CSGALNACT1: variants seen among roughly 807,000 people sequenced by gnomAD.
CSGALNACT1 encodes the protein chondroitin sulfate N-acetylgalactosaminyltransferase 1.
Under a neutral mutation model 51.0 loss-of-function variants are expected in CSGALNACT1, and 52 were observed. The observed-to-expected ratio is 1.02, with a 90% CI of 0.82 to 1.29. The LOEUF is 1.29. Ranked by LOEUF, CSGALNACT1 falls within the 50% of genes most tolerant of loss-of-function variation. CSGALNACT1 has a pLI of 0.00. For missense variants in CSGALNACT1, 935 were observed against 679.2 expected (o/e 1.38, Z -4.19); for synonymous variants, 341 against 254.4 (o/e 1.34, Z -3.24).
intron 3 of CSGALNACT1, among the ~76,000 whole-genome samples, chr8:19,583,711 A>G (rs2046052467): frequency 6.6e-6 from 1 of 152,176 alleles, no homozygotes; most frequent in Non-Finnish European, 1.5e-5. Flanking sequence ...TTCAAACACT[A>G]AGTTTCAGCT....
intron 3 of CSGALNACT1, among the ~76,000 whole-genome samples, chr8:19,529,265 C>T (rs1356332806): frequency 6.6e-6 from 1 of 151,986 alleles, no homozygotes; most frequent in Admixed American, 6.6e-5. Context: ...GAAATTTTTC[C>T]AGAAGTTTAA....
chr8:19,488,717 G>A (rs980434090), intron 4 of CSGALNACT1, among the ~76,000 whole-genome samples: 3 of 152,062 alleles, frequency 2.0e-5, no homozygotes, highest in African/African-American at 7.2e-5. Context: ...ATAATGACAT[G>A]TGTAAAGACC....
intron 4 of CSGALNACT1, among the ~76,000 whole-genome samples, chr8:19,497,193 G>A (rs1440923901): frequency 6.6e-6 from 1 of 152,150 alleles, no homozygotes; most frequent in African/African-American, 2.4e-5. Flanking sequence ...CTCCTGCCCT[G>A]CACAGACAGT....
intron 2 of CSGALNACT1, among the ~76,000 whole-genome samples, chr8:19,599,164 A>T (rs1387361118): frequency 6.6e-6 from 1 of 151,584 alleles, no homozygotes; most frequent in Admixed American, 6.6e-5. Flanking sequence ...GTGTCAGGGG[A>T]GGGGGAGCAC....
intron 3 of CSGALNACT1, among the ~76,000 whole-genome samples, chr8:19,506,432 A>T (rs529360219): frequency 2.6e-5 from 4 of 152,228 alleles, no homozygotes; most frequent in Admixed American, 2.6e-4. Context: ...TGTATCTGGT[A>T]ATTTCTGCAT....
chr8:19,503,721 G>A (rs550039907), intron 4 of CSGALNACT1, among the ~76,000 whole-genome samples: 1 of 151,506 alleles, frequency 6.6e-6, no homozygotes, highest in African/African-American at 2.4e-5. Context: ...TGCTTACCAT[G>A]TGCTTATACA....
chr8:19,597,916 G>A (rs1385501440), intron 2 of CSGALNACT1, among the ~76,000 whole-genome samples: 1 of 152,218 alleles, frequency 6.6e-6, no homozygotes, highest in Non-Finnish European at 1.5e-5. Context: ...AAATAATTAT[G>A]AACAATAGGG....
chr8:19,422,125 A>C (rs1041444391), intron 6 of CSGALNACT1, among the ~76,000 whole-genome samples: 6 of 152,160 alleles, frequency 3.9e-5, no homozygotes, highest in African/African-American at 1.2e-4. Context: ...TTACACACTA[A>C]GACGCTATTT....
At chr8:19,525,615 C>CAAAAAAAAAAAAAAAAAAAAAAAAAA (rs34787475) in intron 3 of CSGALNACT1, among the ~76,000 whole-genome samples, 1 of 20,362 alleles carries the variant, frequency 4.9e-5, no homozygotes, top group Non-Finnish European at 8.9e-5. Context: ...AAACTTGTCC[C>CAAAAAAAAAAAAAAAAAAAAAAAAAA]AAAAAAAAAA....
chr8:19,468,807 T>C lies in CSGALNACT1; in HGVS notation c.635-10165A>G, dbSNP rs531320611. Among the ~76,000 whole-genome samples, 8 of 152,252 alleles carry C rather than the reference T, an allele frequency of 5.3e-5. No homozygotes were observed. The South Asian group carries it at 6.2e-4, about 12-fold the overall frequency. ...GGAAGCTTGGCGGGCAAGCCTTTTG[T>C]AGACATACAGATTTAGACATCCCCA... On this transcript the variant is annotated intron_variant, in intron 4 of 9. Coordinates refer to ENST00000454498, the Ensembl canonical transcript of CSGALNACT1.
At chr8:19,701,047 C>G (rs1002404684) in intron 1 of CSGALNACT1, among the ~76,000 whole-genome samples, 19 of 151,844 alleles carry the variant, frequency 1.3e-4, no homozygotes, top group Admixed American at 1.1e-3. Flanking sequence ...GACCTTCCAC[C>G]CTTCCCTCTT....
intron 1 of CSGALNACT1, among the ~76,000 whole-genome samples, chr8:19,688,365 G>A (rs1002483097): frequency 3.3e-5 from 5 of 152,118 alleles, no homozygotes; most frequent in African/African-American, 1.2e-4. Flanking sequence ...AATCTCTTTG[G>A]TCTAATATAA....
At chr8:19,640,105 G>A (rs2056566803) in intron 1 of CSGALNACT1, among the ~76,000 whole-genome samples, 1 of 151,754 alleles carries the variant, frequency 6.6e-6, no homozygotes, top group Non-Finnish European at 1.5e-5. Flanking sequence ...CAATGCACCT[G>A]GGGGGAAATA....
At chr8:19,723,931 A>G (rs1703823626) in intron 1 of CSGALNACT1, among the ~76,000 whole-genome samples, 1 of 152,188 alleles carries the variant, frequency 6.6e-6, no homozygotes, top group African/African-American at 2.4e-5. Context: ...ACTTTTTTCA[A>G]TCAATAGAAG....
At chr8:19,729,655 T>C (rs948340034) in intron 1 of CSGALNACT1, among the ~76,000 whole-genome samples, 5 of 152,186 alleles carry the variant, frequency 3.3e-5, no homozygotes, top group Non-Finnish European at 5.9e-5. Context: ...TCTAACATTG[T>C]TTTTCTCCTG....
At chr8:19,658,130 G>T (rs1226907334) in intron 1 of CSGALNACT1, among the ~76,000 whole-genome samples, 1 of 150,822 alleles carries the variant, frequency 6.6e-6, no homozygotes, top group African/African-American at 2.4e-5. Context: ...TTTGGAGATG[G>T]GGCCTTTGGA....
In CSGALNACT1 at chr8:19,656,461, G is replaced by A. The variant is rs183525876; in HGVS notation, c.-544+26012C>T. ...AGTAGCAAACAAACTTTCTATAGAG[G>A]AACCCACCTTCGATCTTGACCTCAA... is the stretch of plus-strand genomic sequence containing the variant. On this transcript the variant is annotated intron_variant, in intron 1 of 9. Transcript: ENST00000332246. 2.2e-4 allele frequency among the ~76,000 whole-genome samples: 33 copies of A among 151,946 alleles called. No individual in the cohort carries two copies. In the East Asian group the frequency reaches 4.6e-3, roughly 21 times the overall value.
chr8:19,558,839 T>A (rs2040060244), intron 3 of CSGALNACT1, among the ~76,000 whole-genome samples: 1 of 152,184 alleles, frequency 6.6e-6, no homozygotes, highest in Non-Finnish European at 1.5e-5. Flanking sequence ...CTACACGTCA[T>A]CAACATTCTT....
intron 1 of CSGALNACT1, among the ~76,000 whole-genome samples, chr8:19,633,201 C>T (rs1243491530): frequency 6.6e-6 from 1 of 152,134 alleles, no homozygotes; most frequent in Non-Finnish European, 1.5e-5. Context: ...AAGAGGGCTT[C>T]CCCAGGTCGT....
Sources: allele counts gnomAD v4.1 joint callset (sites outside exome capture counted in the v4.1 genomes callset), GRCh38; gene constraint gnomAD v4.1.1; transcripts MANE v1.5; gene names NCBI Gene and HGNC (gene_info 2026-07-23, HGNC 2026-07-21).